The following NRXN1 variants were observed in gnomAD, a reference collection of about 807,000 sequenced individuals.
NRXN1 encodes the protein neurexin 1, also known as neurexin-1.
A neutral mutation model predicts 150.9 loss-of-function variants in NRXN1; 39 were observed. The observed-to-expected ratio is 0.26, with a 90% CI of 0.20 to 0.34. The LOEUF (loss-of-function observed/expected upper bound fraction) is 0.34, where lower values mean the gene tolerates loss of function less well. Among genes scored for constraint, NRXN1 ranks in the 10% least tolerant of loss-of-function variants. The pLI is 1.00. For synonymous variants in NRXN1, 924 were observed against 757.0 expected, an observed-to-expected ratio of 1.22 and a Z score of -3.62; for missense variants, 1,815 against 1,949.9, an observed-to-expected ratio of 0.93 and a Z score of 1.30.
chr2:50,446,654 C>T (rs1558746170), intron 17 of NRXN1, among the ~76,000 whole-genome samples: 1 of 150,618 alleles, frequency 6.6e-6, no homozygotes, highest in Non-Finnish European at 1.5e-5. Flanking sequence ...GTTCTCAATA[C>T]TTAACATAAT....
At chr2:50,125,224 C>T (rs1438864093) in intron 18 of NRXN1, among the ~76,000 whole-genome samples, 1 of 152,082 alleles carries the variant, frequency 6.6e-6, no homozygotes, top group Admixed American at 6.6e-5. Flanking sequence ...GCTACATTAC[C>T]TATGAAATCA....
chr2:50,278,486 C>G (rs907199481), intron 17 of NRXN1, among the ~76,000 whole-genome samples: 4 of 150,338 alleles, frequency 2.7e-5, no homozygotes, highest in African/African-American at 9.8e-5. Context: ...AAACGTATCT[C>G]AATCTACCAC....
chr2:50,745,385 C>T lies in NRXN1; in HGVS notation c.833-121770G>A, dbSNP rs568201961. Among the ~76,000 whole-genome samples, 834 of 129,466 alleles carry T rather than the reference C, an allele frequency of 6.4e-3. 10 individuals are homozygous for T. The highest frequency in any genetic ancestry group is 0.022 in the African/African-American group (795 of 35,386). The allele number at this position is 129,466 out of a possible 152,430, so 84.9% of individuals were successfully genotyped here. ...ATAAGTGCCTCCCCTCCCCTCCCTTCCCTTCCTCTCCCTTCCCCTCCCCTC... is the reference window on the plus strand; with the variant it reads ...ATAAGTGCCTCCCCTCCCCTCCCTTTCCTTCCTCTCCCTTCCCCTCCCCTC... On this transcript the variant is annotated intron_variant, in intron 5 of 22. Coordinates refer to ENST00000401669, the MANE Select transcript of NRXN1 (RefSeq NM_001330078.2).
At chr2:50,193,076 G>T (rs2061547573) in intron 18 of NRXN1, among the ~76,000 whole-genome samples, 2 of 152,086 alleles carry the variant, frequency 1.3e-5, no homozygotes, top group African/African-American at 4.8e-5. Context: ...TTTTACTACA[G>T]GGTCAATATT....
rs370314907 is a variant in NRXN1 at position 50,497,395 on chromosome 2, A to G, written c.2817T>C (p.Asp939=). Residue 939 remains aspartate (D), a synonymous_variant, in exon 14 of 23, where the codon GAT becomes GAC. Transcript: ENST00000401669. ...LFFQFKTTSL[D]GLILYNSGDG... ...CCCCACTGTTATATAGAATTAATCC[A>G]TCTAGGGATGTTGTCTTGAACTGGA... 6.3e-6 allele frequency: 10 copies of G among 1,596,762 alleles called. No individual in the cohort carries two copies. The highest frequency in any genetic ancestry group is 4.0e-5 in the African/African-American group (3 of 74,682).
At chr2:50,059,448 T>A (rs992699480) in intron 19 of NRXN1, among the ~76,000 whole-genome samples, 1 of 152,162 alleles carries the variant, frequency 6.6e-6, no homozygotes, top group Non-Finnish European at 1.5e-5. Context: ...AAGCAGAGCA[T>A]AAAAGTTCAG....
At chr2:50,341,617 C>T (rs2077553902) in intron 17 of NRXN1, among the ~76,000 whole-genome samples, 1 of 152,196 alleles carries the variant, frequency 6.6e-6, no homozygotes. Flanking sequence ...GACCAGTCTG[C>T]ATTAATTATT....
intron 9 of NRXN1, 36 bp downstream of exon 9, chr2:50,552,551 C>T: frequency 1.3e-6 from 2 of 1,517,512 alleles, no homozygotes; most frequent in Non-Finnish European, 9.1e-7. Flanking sequence ...TGGGGTGCTC[C>T]AGCAGATAAA....
At position 50,530,043 on chromosome 2, in the gene NRXN1, T is replaced by C. The variant is rs145556379; in HGVS notation, c.2347+1184A>G. 3.0e-3 allele frequency among the ~76,000 whole-genome samples: 462 copies of C among 152,276 alleles called. 2 individuals carry two copies. The highest frequency in any genetic ancestry group is 0.01 in the African/African-American group (433 of 41,554). Reference sequence around the variant, plus strand: ...GCCTCATCACATTTTATTACTCCTTTTTTGGGGTAAATCTATGTAGTTTCA... The same window carrying C: ...GCCTCATCACATTTTATTACTCCTTCTTTGGGGTAAATCTATGTAGTTTCA... On this transcript the variant is annotated intron_variant, in intron 11 of 22. Coordinates refer to ENST00000401669, the MANE Select transcript of NRXN1 (RefSeq NM_001330078.2).
At chr2:50,205,484 T>A (rs762967990) in intron 18 of NRXN1, among the ~76,000 whole-genome samples, 5 of 152,202 alleles carry the variant, frequency 3.3e-5, no homozygotes, top group Non-Finnish European at 5.9e-5. Flanking sequence ...GAATATACAT[T>A]ATAGTTCATT....
Position 51,026,252 on chromosome 2 carries a change from G to T in NRXN1, c.772+1250C>A, listed in dbSNP as rs752865246. 5.8e-6 allele frequency: 4 copies of T among 686,584 alleles called. 1 individual carries two copies. Among genetic ancestry groups the T allele is most frequent in the African/African-American group, 1.8e-5 (1 of 55,252 alleles). The allele number at this position is 686,584 out of a possible 1,614,324, so 42.5% of individuals were successfully genotyped here. A position where few individuals can be genotyped will look rare whatever the true frequency, so the allele number is the denominator to read the frequency against. ...AATTCACCTTTTTTCACCCATTTCAGCCACAAATGCCATTTATCCATGTGT... is the reference window on the plus strand; with the variant it reads ...AATTCACCTTTTTTCACCCATTTCATCCACAAATGCCATTTATCCATGTGT... On this transcript the variant is annotated intron_variant, in intron 2 of 22. Coordinates refer to ENST00000401669, the MANE Select transcript of NRXN1 (RefSeq NM_001330078.2).
chr2:50,938,565 C>G (rs1490783546), intron 2 of NRXN1, among the ~76,000 whole-genome samples: 1 of 152,150 alleles, frequency 6.6e-6, no homozygotes, highest in East Asian at 1.9e-4. Flanking sequence ...AGCAGTACCC[C>G]ACTCCTGATA....
chr2:50,505,857 C>T (rs182348334), intron 13 of NRXN1, among the ~76,000 whole-genome samples: 81 of 152,204 alleles, frequency 5.3e-4, no homozygotes, highest in Non-Finnish European at 9.4e-4. Flanking sequence ...CAGTGGGTCA[C>T]GTGCTTGGAG....
intron 2 of NRXN1, among the ~76,000 whole-genome samples, chr2:51,001,646 T>A (rs1490016896): frequency 3.3e-5 from 5 of 151,980 alleles, no homozygotes; most frequent in African/African-American, 1.2e-4. Flanking sequence ...ACAGTAAACA[T>A]TATAAAAAAT....
intron 16 of NRXN1, among the ~76,000 whole-genome samples, chr2:50,471,170 G>A (rs1260005271): frequency 1.3e-5 from 2 of 151,494 alleles, no homozygotes; most frequent in Non-Finnish European, 3.0e-5. Context: ...CTATATAGTC[G>A]TGAAGTCTAA....
At chr2:50,890,378 T>A (rs911940772) in intron 5 of NRXN1, among the ~76,000 whole-genome samples, 1 of 151,868 alleles carries the variant, frequency 6.6e-6, no homozygotes, top group African/African-American at 2.4e-5. Flanking sequence ...ACCATATACA[T>A]TTTATCTATA....
intron 5 of NRXN1, among the ~76,000 whole-genome samples, chr2:50,826,599 G>A (rs1161827514): frequency 6.6e-6 from 1 of 152,132 alleles, no homozygotes; most frequent in Non-Finnish European, 1.5e-5. Flanking sequence ...GGGTGATTAT[G>A]TATGTTTGTG....
intron 17 of NRXN1, among the ~76,000 whole-genome samples, chr2:50,282,652 T>C (rs917072222): frequency 6.6e-6 from 1 of 152,182 alleles, no homozygotes; most frequent in Non-Finnish European, 1.5e-5. Flanking sequence ...GTTTGGGTCA[T>C]ACTGTTGACT....
intron 5 of NRXN1, among the ~76,000 whole-genome samples, chr2:50,784,577 G>A (rs1463026878): frequency 6.6e-6 from 1 of 152,068 alleles, no homozygotes; most frequent in Non-Finnish European, 1.5e-5. Context: ...CAGATATTAT[G>A]ATGAAGACAT....
Sources: gnomAD v4.1 joint callset for allele counts (sites outside exome capture counted in the v4.1 genomes callset) on GRCh38, gnomAD v4.1.1 for gene constraint, MANE v1.5 for transcripts, NCBI Gene and HGNC (gene_info 2026-07-23, HGNC 2026-07-21) for gene names.